The following KCTD16 variants were observed in gnomAD, a reference collection of about 807,000 sequenced individuals.
The protein encoded by KCTD16 is potassium channel tetramerization domain containing 16.
A neutral mutation model predicts 33.2 loss-of-function variants in KCTD16; 13 were observed. The ratio of observed to expected loss-of-function variants is 0.39; its 90% CI spans 0.25 to 0.62. KCTD16 has a LOEUF of 0.62. KCTD16 is among the 20% of genes least tolerant of loss of function. KCTD16 has a pLI of 0.50. For synonymous variants in KCTD16, 197 were observed against 195.3 expected, an observed-to-expected ratio of 1.01 and a Z score of -0.07; for missense variants, 441 against 525.1, an observed-to-expected ratio of 0.84 and a Z score of 1.57.
chr5:144,245,557 T>G (rs1185733109), intron 3 of KCTD16, among the ~76,000 whole-genome samples: 1 of 152,166 alleles, frequency 6.6e-6, no homozygotes, highest in African/African-American at 2.4e-5. Flanking sequence ...GAAGTGGGGC[T>G]GATGTGGTTT....
At chr5:144,297,300 C>T (rs193012615) in intron 3 of KCTD16, among the ~76,000 whole-genome samples, 2 of 152,244 alleles carry the variant, frequency 1.3e-5, no homozygotes, top group African/African-American at 4.8e-5. Context: ...ATGTGTTTGG[C>T]TGCAAGTAAG....
At chr5:144,438,502 G>A (rs1203857246) in intron 3 of KCTD16, among the ~76,000 whole-genome samples, 1 of 152,192 alleles carries the variant, frequency 6.6e-6, no homozygotes, top group African/African-American at 2.4e-5. Context: ...TTTCATAGTA[G>A]CCACAGTAAT....
intron 3 of KCTD16, among the ~76,000 whole-genome samples, chr5:144,465,183 C>T (rs1471367641): frequency 5.2e-5 from 5 of 96,412 alleles, no homozygotes; most frequent in Admixed American, 1.2e-4. Context: ...TCTCTCTCTC[C>T]CCCCCCTCTC....
intron 2 of KCTD16, among the ~76,000 whole-genome samples, chr5:144,194,498 C>A (rs1367364827): frequency 6.6e-6 from 1 of 152,160 alleles, no homozygotes; most frequent in Non-Finnish European, 1.5e-5. Flanking sequence ...CTACCCTGAG[C>A]TCTTGTGGAG....
intron 3 of KCTD16, among the ~76,000 whole-genome samples, chr5:144,234,094 C>G (rs1357861740): frequency 6.6e-6 from 1 of 152,070 alleles, no homozygotes; most frequent in South Asian, 2.1e-4. Flanking sequence ...TGTACTGAAG[C>G]GTTTGCATTC....
intron 3 of KCTD16, among the ~76,000 whole-genome samples, chr5:144,290,170 C>A (rs1296802770): frequency 6.6e-6 from 1 of 152,078 alleles, no homozygotes; most frequent in Non-Finnish European, 1.5e-5. Flanking sequence ...AGGCGCATGT[C>A]TGTAGTCTCA....
chr5:144,267,574 C>A (rs1318689143), intron 3 of KCTD16, among the ~76,000 whole-genome samples: 1 of 152,080 alleles, frequency 6.6e-6, no homozygotes, highest in African/African-American at 2.4e-5. Flanking sequence ...GTGGCTTTAT[C>A]CATTTTTTTC....
intron 3 of KCTD16, among the ~76,000 whole-genome samples, chr5:144,417,523 A>T (rs556825316): frequency 5.9e-5 from 9 of 152,110 alleles, no homozygotes; most frequent in Non-Finnish European, 1.0e-4. Context: ...AAATTATCAG[A>T]TAGATGATTT....
intron 3 of KCTD16, among the ~76,000 whole-genome samples, chr5:144,252,990 T>A (rs73310800): frequency 0.082 from 12,490 of 151,768 alleles, 1,258 homozygotes; most frequent in African/African-American, 0.23. Context: ...CCATGACCTA[T>A]TGTTTGAAGC....
At chr5:144,174,049 G>A (rs766023479) in intron 1 of KCTD16, among the ~76,000 whole-genome samples, 9 of 152,068 alleles carry the variant, frequency 5.9e-5, no homozygotes, top group Non-Finnish European at 1.2e-4. Context: ...CTCACCCTAG[G>A]TCAAGAGATG....
At chr5:144,186,352 TAAA>T (rs1186247606) in intron 2 of KCTD16, among the ~76,000 whole-genome samples, 1 of 24,594 alleles carries the variant, frequency 4.1e-5, no homozygotes, top group Non-Finnish European at 7.1e-5. Context: ...TCATTTTTTT[TAAA>T]AAAAAAAAGA....
At chr5:144,200,089 C>T (rs1753014409) in intron 2 of KCTD16, among the ~76,000 whole-genome samples, 1 of 151,918 alleles carries the variant, frequency 6.6e-6, no homozygotes, top group African/African-American at 2.4e-5. Flanking sequence ...AATTTTAGAC[C>T]CTGTGAATAT....
intron 2 of KCTD16, among the ~76,000 whole-genome samples, chr5:144,187,405 T>C (rs1752749389): frequency 1.3e-5 from 2 of 151,304 alleles, no homozygotes; most frequent in Admixed American, 1.3e-4. Flanking sequence ...TTTTAGAGTT[T>C]CAAAGGTAAG....
chr5:144,442,097 T>C (rs1482087230), intron 3 of KCTD16, among the ~76,000 whole-genome samples: 2 of 152,184 alleles, frequency 1.3e-5, no homozygotes, highest in Non-Finnish European at 2.9e-5. Context: ...TCCTGATAGA[T>C]TGATCCTTTT....
intron 3 of KCTD16, among the ~76,000 whole-genome samples, chr5:144,330,155 G>A (rs907804841): frequency 6.6e-6 from 1 of 152,144 alleles, no homozygotes; most frequent in African/African-American, 2.4e-5. Context: ...GCTCACGCCT[G>A]TAATCCCAGC....
At chr5:144,392,646 G>C (rs1489415659) in intron 3 of KCTD16, among the ~76,000 whole-genome samples, 2 of 152,118 alleles carry the variant, frequency 1.3e-5, no homozygotes, top group African/African-American at 4.8e-5. Context: ...CTTTTTCTGG[G>C]GGCACTGTAG....
At chr5:144,309,947 A>G (rs1751715504) in intron 3 of KCTD16, among the ~76,000 whole-genome samples, 1 of 152,026 alleles carries the variant, frequency 6.6e-6, no homozygotes, top group Admixed American at 6.6e-5. Flanking sequence ...TATATTTAAA[A>G]CATAATTTGT....
At chr5:144,326,517 A>C (rs1752212086) in intron 3 of KCTD16, among the ~76,000 whole-genome samples, 1 of 152,136 alleles carries the variant, frequency 6.6e-6, no homozygotes, top group African/African-American at 2.4e-5. Context: ...AAAGTATTAA[A>C]ATGGAAATAA....
At chr5:144,399,066 A>T (rs1351693782) in intron 3 of KCTD16, among the ~76,000 whole-genome samples, 1 of 152,170 alleles carries the variant, frequency 6.6e-6, no homozygotes, top group African/African-American at 2.4e-5. Flanking sequence ...GTATTCTCTT[A>T]AAGCTAGTGT....
Sources: allele counts gnomAD v4.1 joint callset (sites outside exome capture counted in the v4.1 genomes callset), GRCh38; gene constraint gnomAD v4.1.1; transcripts MANE v1.5; gene names NCBI Gene and HGNC (gene_info 2026-07-23, HGNC 2026-07-21).